Variants in SMG6 observed in about 807,000 individuals in gnomAD.
SMG6 encodes SMG6 nonsense mediated mRNA decay factor.
A neutral mutation model predicts 142.2 loss-of-function variants in SMG6; 66 were observed. The ratio of observed to expected loss-of-function variants is 0.46; its 90% confidence interval spans 0.38 to 0.57. The LOEUF is 0.57. Ranked by LOEUF, SMG6 falls within the 20% of genes least tolerant of loss-of-function variation. The pLI, the probability that SMG6 is intolerant of heterozygous loss-of-function variation, is 0.00. For missense variants in SMG6, 1,793 were observed against 1,832.0 expected, an observed-to-expected ratio of 0.98 and a Z score of 0.39; for synonymous variants, 779 against 702.4, an observed-to-expected ratio of 1.11 and a Z score of -1.72.
intron 13 of SMG6, among the ~76,000 whole-genome samples, chr17:2,157,439 C>G (rs759092975): frequency 1.3e-5 from 2 of 152,240 alleles, no homozygotes; most frequent in Non-Finnish European, 2.9e-5. Flanking sequence ...ACTGACCCAA[C>G]TACCTCTCCT....
At chr17:2,225,484 CAG>C (rs1437931654) in intron 10 of SMG6, among the ~76,000 whole-genome samples, 1 of 152,066 alleles carries the variant, frequency 6.6e-6, no homozygotes, top group African/African-American at 2.4e-5. Context: ...GCCTGGGTGA[CAG>C]AGTGAGCCTC....
chr17:2,064,383 C>A (rs1313451883), intron 18 of SMG6, among the ~76,000 whole-genome samples: 1 of 152,086 alleles, frequency 6.6e-6, no homozygotes, highest in African/African-American at 2.4e-5. Context: ...GGTGGTCAAG[C>A]GCTTGGGTGA....
chr17:2,149,349 C>CAAAAAA (rs1178295829), intron 13 of SMG6, among the ~76,000 whole-genome samples: 3 of 71,088 alleles, frequency 4.2e-5, no homozygotes, highest in African/African-American at 9.9e-5. Flanking sequence ...GATTCCCCCT[C>CAAAAAA]AAAAAAAAAA....
Position 2,300,056 on chromosome 17 carries a change from G to C in SMG6, c.697C>G (p.Pro233Ala). Residue 233 changes from proline to alanine, a missense_variant, in exon 2 of 19, where the codon CCA (proline) becomes GCA (alanine). Pro to Ala is a conservative substitution (Grantham distance 27, BLOSUM62 -1). Transcript: ENST00000263073. The part of the protein sequence containing the change: ...GEGVRETHDD[P>A]ARGRPGSAKR... ...GCGGAGCCCGGCCTCCCGCGGGCTG[G>C]GTCGTCGTGGGTTTCCCTCACCCCC... 6.2e-7 allele frequency: 1 copy of C among 1,614,132 alleles called. No individual in the cohort carries two copies. Among genetic ancestry groups the C allele is most frequent in the East Asian group, 2.2e-5 (1 of 44,874 alleles).
At chr17:2,302,996 A>C in intron 1 of SMG6, 1 of 985,490 alleles carries the variant, frequency 1.0e-6, no homozygotes, top group Non-Finnish European at 1.2e-6. Context: ...GAGGTGAGAC[A>C]CTTAGAATCT....
rs1307171641 is a variant in SMG6, at chr17:2,303,706, C to T, written c.15G>A (p.Leu5=). 1.3e-6 allele frequency: 2 copies of T among 1,493,854 alleles called. No homozygotes were observed. Among genetic ancestry groups the T allele is most frequent in the Admixed American group, 4.4e-5 (2 of 45,346 alleles). The allele number at this position is 1,493,854 out of a possible 1,614,324, so 92.5% of individuals were successfully genotyped here. A position where few individuals can be genotyped will look rare whatever the true frequency, so the allele number is the denominator to read the frequency against. MAEG[L]ERVRISASEL... ...CCGACGCGGAGATCCGCACACGCTC[C>T]AGCCCTTCCGCCATCTTCGCGGCTG... Residue 5 remains leucine, a synonymous_variant, in exon 1 of 19, where the codon CTG becomes CTA. Coordinates refer to ENST00000263073, the MANE Select transcript of SMG6 (RefSeq NM_017575.5).
At chr17:2,183,063 A>G (rs1006310529) in intron 12 of SMG6, among the ~76,000 whole-genome samples, 43 of 151,656 alleles carry the variant, frequency 2.8e-4, no homozygotes, top group African/African-American at 1.0e-3. Flanking sequence ...ATCTCTATTT[A>G]AAAAATACAA....
In SMG6 at chr17:2,112,530, A is replaced by AATAC. The variant is rs1439896482; in HGVS notation, c.3358-26630_3358-26629insGTAT. ...CTCAAAAAAAATAAAATAAAAAATA[A>AATAC]ATAAATAAATAAATAAATAAATAAA... is the stretch of plus-strand genomic sequence containing the variant. On this transcript the variant is annotated intron_variant, in intron 13 of 18. Transcript: ENST00000263073. 1.5e-3 allele frequency among the ~76,000 whole-genome samples: 140 copies of AATAC among 95,968 alleles called. 1 individual carries two copies. The highest frequency in any genetic ancestry group is 6.1e-3 in the African/African-American group (138 of 22,626). The allele number at this position is 95,968 out of a possible 152,430, so 63.0% of individuals were successfully genotyped here. A position where few individuals can be genotyped will look rare whatever the true frequency, so the allele number is the denominator to read the frequency against.
intron 8 of SMG6, among the ~76,000 whole-genome samples, chr17:2,272,714 G>A (rs1051896527): frequency 5.9e-5 from 9 of 152,202 alleles, no homozygotes; most frequent in East Asian, 1.9e-4. Context: ...CGAGGCAGGC[G>A]GATCATGAGG....
chr17:2,192,750 C>T (rs2072204620), intron 10 of SMG6, among the ~76,000 whole-genome samples: 1 of 152,190 alleles, frequency 6.6e-6, no homozygotes, highest in Non-Finnish European at 1.5e-5. Context: ...TCCTTGTCTA[C>T]AGGAAGTGGG....
At chr17:2,205,477 C>T (rs940951694) in intron 10 of SMG6, among the ~76,000 whole-genome samples, 12 of 152,086 alleles carry the variant, frequency 7.9e-5, no homozygotes, top group African/African-American at 2.9e-4. Flanking sequence ...AGCAAAATCA[C>T]ATAAAATGAG....
rs562947224 is a variant in SMG6, at chr17:2,299,983, C to G, written c.770G>C (p.Arg257Pro). 45 of 1,614,078 alleles carry G rather than the reference C, an allele frequency of 2.8e-5. No homozygotes were observed. In the South Asian group the frequency reaches 3.8e-4, roughly 14 times the overall value. Residue 257 changes from arginine to proline, a missense_variant, in exon 2 of 19, where the codon CGC becomes CCC. Arg to Pro is a moderately radical substitution (Grantham distance 103, BLOSUM62 -2). This residue lies in a region of SMG6 where 1,597 missense variants were observed against 1,584.6 expected (regional missense o/e 1.01). Coordinates refer to ENST00000263073, the MANE Select transcript of SMG6 (RefSeq NM_017575.5). The surrounding 1 kb of genome is among the most constrained non-coding windows in gnomAD (Gnocchi z 4.3). ...GTTGCTGCCAGCTGAGCTGGTGCTG[C>G]GCGTGCGGTAGCGATTCCTTCGTTT... ...SDKRRNRYRTRSTSSAGSNNS... is the reference protein window; with the variant it reads ...SDKRRNRYRTPSTSSAGSNNS...
intron 15 of SMG6, among the ~76,000 whole-genome samples, chr17:2,077,231 A>T (rs62067976): frequency 1.3e-5 from 2 of 152,198 alleles, no homozygotes; most frequent in African/African-American, 4.8e-5. Flanking sequence ...AGCTGAAGAC[A>T]TGCCTCCCGA....
Position 2,299,657 on chromosome 17 carries a change from C to A in SMG6, c.1096G>T (p.Val366Leu), listed in dbSNP as rs753408578. ...TCCATATCATCCCTGGCTGACCTCA[C>A]CATGGGAGACTCTTTGTTCATGGCT... ...AEAMNKESPMVRSARDDMDRG... is the reference protein window; with the variant it reads ...AEAMNKESPMLRSARDDMDRG... The change falls in exon 2 of 19, where the codon GTG (valine) becomes TTG (leucine). Residue 366 changes from valine (V) to leucine (L), a missense_variant. Coordinates refer to ENST00000263073, the MANE Select transcript of SMG6 (RefSeq NM_017575.5). The surrounding 1 kb of genome is among the most constrained non-coding windows in gnomAD (Gnocchi z 4.3). The A allele has an allele frequency of 5.0e-6, 8 of 1,614,220 alleles. No homozygotes were observed. Among genetic ancestry groups the A allele is most frequent in the Non-Finnish European group, 5.9e-6 (7 of 1,180,034 alleles).
intron 12 of SMG6, among the ~76,000 whole-genome samples, chr17:2,175,181 C>T (rs759028713): frequency 6.6e-6 from 1 of 152,210 alleles, no homozygotes; most frequent in Admixed American, 6.5e-5. Flanking sequence ...CTTTGGCCAA[C>T]AGGCACTGCT....
intron 9 of SMG6, among the ~76,000 whole-genome samples, chr17:2,238,198 C>A (rs1238786580): frequency 6.6e-6 from 1 of 152,152 alleles, no homozygotes; most frequent in African/African-American, 2.4e-5. Flanking sequence ...CCCTGGTGCC[C>A]AGAAGTCGTG....
At position 2,248,598 on chromosome 17, in the gene SMG6, T is replaced by C. The variant is rs75772442; in HGVS notation, c.2662-3879A>G. 1.2e-3 allele frequency among the ~76,000 whole-genome samples: 180 copies of C among 152,312 alleles called. 2 individuals are homozygous for C. In the East Asian group the frequency reaches 0.014, roughly 12 times the overall value. On this transcript the variant is annotated intron_variant, in intron 8 of 18. Coordinates refer to ENST00000263073, the MANE Select transcript of SMG6 (RefSeq NM_017575.5). ...TTTCAATGCATTACTTTTCAACTAG[T>C]GGGAGTGAAGAAAATCTCAGATAAC...
intron 8 of SMG6, among the ~76,000 whole-genome samples, chr17:2,246,147 A>T (rs528194736): frequency 6.6e-6 from 1 of 152,346 alleles, no homozygotes; most frequent in South Asian, 2.1e-4. Context: ...ACTTCCATTG[A>T]AACCAAACTA....
At chr17:2,114,533 G>A (rs2069438177) in intron 13 of SMG6, among the ~76,000 whole-genome samples, 1 of 152,114 alleles carries the variant, frequency 6.6e-6, no homozygotes, top group African/African-American at 2.4e-5. Context: ...ACCCTTTTCA[G>A]GCTGAGTAAG....
Sources: gnomAD v4.1 joint callset for allele counts (sites outside exome capture counted in the v4.1 genomes callset) on GRCh38, gnomAD v4.1.1 for gene constraint, gnomAD v4.1.1 regional missense constraint, Gnocchi (gnomAD v3.1) non-coding constraint, MANE v1.5 for transcripts, NCBI Gene and HGNC (gene_info 2026-07-23, HGNC 2026-07-21) for gene names.